Variants in JAK2 observed in about 807,000 individuals in gnomAD.
The protein encoded by JAK2 is Janus kinase 2, also known as tyrosine-protein kinase JAK2.
Under a neutral mutation model 139.3 loss-of-function variants are expected in JAK2, and 86 were observed. That is an observed-to-expected ratio of 0.62 (90% CI 0.52 to 0.74). JAK2 has a LOEUF of 0.74. JAK2 is among the 30% of genes least tolerant of loss of function. The pLI, the probability that JAK2 is intolerant of heterozygous loss-of-function variation, is 0.00. For missense variants in JAK2, 1,421 were observed against 1,360.3 expected, an observed-to-expected ratio of 1.04 and a Z score of -0.70; for synonymous variants, 490 against 437.7, an observed-to-expected ratio of 1.12 and a Z score of -1.49.
intron 5 of JAK2, among the ~76,000 whole-genome samples, chr9:5,048,664 T>A (rs1451729462): frequency 6.6e-6 from 1 of 152,216 alleles, no homozygotes; most frequent in Non-Finnish European, 1.5e-5. Context: ...GATGGTGTGG[T>A]TCTTAATAGT....
At chr9:5,007,609 A>G (rs1428215085) in intron 2 of JAK2, among the ~76,000 whole-genome samples, 1 of 146,352 alleles carries the variant, frequency 6.8e-6, no homozygotes, top group Non-Finnish European at 1.5e-5. Context: ...AACTTAATAT[A>G]CTTTTATTAG....
At chr9:4,986,287 A>G (rs1819946210) in intron 2 of JAK2, among the ~76,000 whole-genome samples, 1 of 152,230 alleles carries the variant, frequency 6.6e-6, no homozygotes, top group Non-Finnish European at 1.5e-5. Flanking sequence ...AACGTTGTCC[A>G]TTACCCTTTC....
intron 4 of JAK2, among the ~76,000 whole-genome samples, chr9:5,039,940 A>G (rs1441178284): frequency 6.6e-6 from 1 of 152,206 alleles, no homozygotes; most frequent in Non-Finnish European, 1.5e-5. Flanking sequence ...AAATGTCTTT[A>G]TTGCAGAAAT....
intron 22 of JAK2, among the ~76,000 whole-genome samples, chr9:5,103,283 A>G (rs1159463929): frequency 6.7e-6 from 1 of 149,812 alleles, no homozygotes; most frequent in Admixed American, 6.6e-5. Context: ...GGTCTCTGAA[A>G]AAAAAGACTT....
chr9:5,001,374 A>G (rs914728380), intron 2 of JAK2, among the ~76,000 whole-genome samples: 8 of 152,078 alleles, frequency 5.3e-5, no homozygotes, highest in Non-Finnish European at 1.2e-4. Context: ...TTTCTAATTT[A>G]TTTCCAGAAA....
intron 22 of JAK2, among the ~76,000 whole-genome samples, chr9:5,093,317 T>C (rs930634634): frequency 6.6e-6 from 1 of 152,190 alleles, no homozygotes; most frequent in Non-Finnish European, 1.5e-5. Context: ...TTACCAGTAT[T>C]AGAGGCACTG....
chr9:5,119,749 C>G (rs1823471784), intron 22 of JAK2, among the ~76,000 whole-genome samples: 1 of 152,096 alleles, frequency 6.6e-6, no homozygotes, highest in African/African-American at 2.4e-5. Flanking sequence ...GTATGAAAAT[C>G]AGAAATAACT....
At chr9:5,034,661 G>C (rs1194423968) in intron 4 of JAK2, among the ~76,000 whole-genome samples, 2 of 152,020 alleles carry the variant, frequency 1.3e-5, no homozygotes, top group African/African-American at 4.8e-5. Flanking sequence ...CGAAATGACG[G>C]CAGAAATAAA....
At position 5,050,718 on chromosome 9, in the gene JAK2, AG is replaced by A. The variant is rs1817357282; in HGVS notation, c.502del (p.Val168TyrfsTer3). ...ATGATTTTGTGCACGGATGGATAAA[AG>A]TACCTGTGACTCATGAAACACAGGA... is the stretch of plus-strand genomic sequence containing the variant. Reference protein sequence around the residue: ...RHDFVHGWIKVPVTHETQEEC... With the variant: ...RHDFVHGWIKXPVTHETQEEC... On this transcript the variant is annotated frameshift_variant, in exon 6 of 25. Transcript: ENST00000381652. LOFTEE classifies it high-confidence loss of function. 2.5e-6 allele frequency: 4 copies of A among 1,613,750 alleles called. No homozygotes were observed. Among genetic ancestry groups the A allele is most frequent in the Non-Finnish European group, 3.4e-6 (4 of 1,179,818 alleles).
chr9:5,106,667 T>C (rs1586807010), intron 22 of JAK2, among the ~76,000 whole-genome samples: 1 of 152,150 alleles, frequency 6.6e-6, no homozygotes, highest in African/African-American at 2.4e-5. Context: ...CCATCAATGA[T>C]AGACTGGATA....
chr9:5,093,779 G>A (rs756003356), intron 22 of JAK2, among the ~76,000 whole-genome samples: 14 of 152,106 alleles, frequency 9.2e-5, no homozygotes, highest in African/African-American at 2.2e-4. Flanking sequence ...TAGGGTTTAC[G>A]ACCTCGATGT....
chr9:4,997,038 C>T (rs988619000), intron 2 of JAK2, among the ~76,000 whole-genome samples: 13 of 150,994 alleles, frequency 8.6e-5, no homozygotes, highest in Admixed American at 4.0e-4. Context: ...CAGTGATCCT[C>T]CTACCTCAGC....
intron 22 of JAK2, chr9:5,098,423 T>G (rs968601574): frequency 6.6e-6 from 1 of 152,214 alleles, no homozygotes; most frequent in African/African-American, 2.4e-5. Context: ...GACCACGTTC[T>G]TATAATTATT....
intron 12 of JAK2, among the ~76,000 whole-genome samples, chr9:5,072,008 T>A (rs1249050193): frequency 1.3e-5 from 2 of 152,222 alleles, no homozygotes; most frequent in Non-Finnish European, 2.9e-5. Context: ...AACAATCCTA[T>A]GGGAAAATAG....
At chr9:5,087,833 T>C (rs1461898955) in intron 19 of JAK2, among the ~76,000 whole-genome samples, 1 of 152,224 alleles carries the variant, frequency 6.6e-6, no homozygotes, top group East Asian at 1.9e-4. Flanking sequence ...CAAATATTTA[T>C]TTATAAGAAT....
intron 2 of JAK2, among the ~76,000 whole-genome samples, chr9:5,002,129 G>C (rs781310843): frequency 1.3e-5 from 2 of 151,720 alleles, no homozygotes; most frequent in Non-Finnish European, 2.9e-5. Flanking sequence ...TAAAAACAAA[G>C]TTTTGGTTTG....
chr9:5,051,550 A>G (rs1455108942), intron 6 of JAK2, among the ~76,000 whole-genome samples: 1 of 152,200 alleles, frequency 6.6e-6, no homozygotes, highest in Non-Finnish European at 1.5e-5. Context: ...ATTCTTATAC[A>G]AATGGTCCAA....
At chr9:5,020,341 G>A (rs1454872429) in intron 2 of JAK2, among the ~76,000 whole-genome samples, 1 of 152,190 alleles carries the variant, frequency 6.6e-6, no homozygotes, top group Non-Finnish European at 1.5e-5. Flanking sequence ...AAGGCCCCCA[G>A]ATAACATGCT....
chr9:5,102,012 C>T (rs1042805038), intron 22 of JAK2, among the ~76,000 whole-genome samples: 1 of 152,076 alleles, frequency 6.6e-6, no homozygotes, highest in Non-Finnish European at 1.5e-5. Context: ...AGGATTGCAG[C>T]TCCTTGCCAG....
Sources: gnomAD v4.1 joint callset for allele counts (sites outside exome capture counted in the v4.1 genomes callset) on GRCh38, gnomAD v4.1.1 for gene constraint, MANE v1.5 for transcripts, NCBI Gene and HGNC (gene_info 2026-07-23, HGNC 2026-07-21) for gene names.